Variants in ATP6V1G1 observed in about 807,000 individuals in gnomAD.
The protein encoded by ATP6V1G1 is V-type proton ATPase subunit G 1.
In ATP6V1G1, 14 loss-of-function variants were observed where a neutral mutation model predicts 14.2. The ratio of observed to expected loss-of-function variants is 0.99; its 90% CI spans 0.65 to 1.55. The LOEUF (loss-of-function observed/expected upper bound fraction) is 1.55. Ranked by LOEUF, ATP6V1G1 falls within the 40% of genes most tolerant of loss-of-function variation. The probability of loss-of-function intolerance (pLI) is 0.00; values close to 1 mark genes in which losing one functional copy is unlikely to be tolerated. For missense variants in ATP6V1G1, 137 were observed against 146.4 expected, an observed-to-expected ratio of 0.94 and a Z score of 0.33; for synonymous variants, 65 against 53.3, an observed-to-expected ratio of 1.22 and a Z score of -0.96.
chr9:114,589,085 T>C (rs1442783187), intron 1 of ATP6V1G1, among the ~76,000 whole-genome samples: 1 of 152,214 alleles, frequency 6.6e-6, no homozygotes. Flanking sequence ...CTTTGTTCTC[T>C]GACCCTTAGT....
chr9:114,592,471 T>C (rs1174060086), intron 1 of ATP6V1G1, 81 bp from the exon 2 acceptor site: 4 of 1,325,454 alleles, frequency 3.0e-6, no homozygotes, highest in South Asian at 2.7e-5. Flanking sequence ...TCTTGGCTTA[T>C]TGTTATAATA....
chr9:114,592,608 T>C lies in ATP6V1G1; in HGVS notation c.139T>C (p.Tyr47His). Reference sequence around the variant, plus strand: ...AGAAGCTCAGGCTGAAATTGAACAGTACCGCCTGCAGAGGGAGAAAGAATT... The same window carrying C: ...AGAAGCTCAGGCTGAAATTGAACAGCACCGCCTGCAGAGGGAGAAAGAATT... Reference protein sequence around the residue: ...KEEAQAEIEQYRLQREKEFKA... With the variant: ...KEEAQAEIEQHRLQREKEFKA... Residue 47 changes from tyrosine to histidine, a missense_variant, in exon 2 of 3, where the codon TAC becomes CAC. Coordinates refer to ENST00000374050, the MANE Select transcript of ATP6V1G1 (RefSeq NM_004888.4). 6.3e-7 allele frequency: 1 copy of C among 1,577,906 alleles called. No homozygotes were observed. The highest frequency in any genetic ancestry group is 8.6e-7 in the Non-Finnish European group (1 of 1,160,956).
At chr9:114,593,694 TTGC>T (rs1304732494) in intron 2 of ATP6V1G1, among the ~76,000 whole-genome samples, 1 of 152,046 alleles carries the variant, frequency 6.6e-6, no homozygotes, top group African/African-American at 2.4e-5. Flanking sequence ...AGATAGGGTC[TTGC>T]TGTGTTGCCT....
Position 114,587,866 on chromosome 9 carries a change from C to T in ATP6V1G1, c.28C>T (p.Gln10Ter), listed in dbSNP as rs11539653. Residue 10 changes from glutamine to a stop codon, truncating the protein, a stop_gained, in exon 1 of 3, where the codon CAG becomes TAG. Coordinates refer to ENST00000374050, the MANE Select transcript of ATP6V1G1 (RefSeq NM_004888.4). LOFTEE classifies it high-confidence loss of function. The part of the protein sequence containing the change: MASQSQGIQ[Q>*]LLQAEKRAAE... Reference sequence around the variant, plus strand: ...GGCTAGTCAGTCTCAGGGGATTCAGCAGCTGCTGCAGGCCGAGAAGCGGGC... The same window carrying T: ...GGCTAGTCAGTCTCAGGGGATTCAGTAGCTGCTGCAGGCCGAGAAGCGGGC... 6.3e-7 allele frequency: 1 copy of T among 1,594,310 alleles called. No individual in the cohort carries two copies. Among genetic ancestry groups the T allele is most frequent in the Admixed American group, 1.8e-5 (1 of 56,558 alleles).
At chr9:114,587,997 A>G in intron 1 of ATP6V1G1, 77 bp downstream of exon 1, 1 of 1,489,038 alleles carries the variant, frequency 6.7e-7, no homozygotes, top group Non-Finnish European at 9.1e-7. Context: ...TGGGTAGATT[A>G]GGCCCGAAAA....
chr9:114,596,420 A>G (rs911145665), intron 2 of ATP6V1G1, among the ~76,000 whole-genome samples: 40 of 151,756 alleles, frequency 2.6e-4, no homozygotes, highest in African/African-American at 3.9e-4. Context: ...GGGGGCAGCA[A>G]TGAGAAATTA....
At chr9:114,594,801 G>T (rs1340904460) in intron 2 of ATP6V1G1, among the ~76,000 whole-genome samples, 1 of 151,678 alleles carries the variant, frequency 6.6e-6, no homozygotes, top group Non-Finnish European at 1.5e-5. Context: ...GATGGTACTG[G>T]TATTGCACTG....
intron 1 of ATP6V1G1, among the ~76,000 whole-genome samples, chr9:114,591,660 G>A (rs1221724671): frequency 6.6e-6 from 1 of 152,204 alleles, no homozygotes; most frequent in African/African-American, 2.4e-5. Flanking sequence ...GAATCAGGAT[G>A]TGGAAGGTTA....
At chr9:114,593,897 C>T (rs1845208323) in intron 2 of ATP6V1G1, among the ~76,000 whole-genome samples, 2 of 152,006 alleles carry the variant, frequency 1.3e-5, no homozygotes, top group Admixed American at 6.6e-5. Flanking sequence ...TCAAAACCAG[C>T]CTGGGCAATA....
At chr9:114,587,979 T>C in intron 1 of ATP6V1G1, 59 bp downstream of exon 1, 1 of 1,536,824 alleles carries the variant, frequency 6.5e-7, no homozygotes, top group South Asian at 1.2e-5. Context: ...CCGCTGGGCC[T>C]CAGGTGGTGG....
intron 2 of ATP6V1G1, among the ~76,000 whole-genome samples, chr9:114,595,268 T>C (rs1166026651): frequency 6.6e-6 from 1 of 152,142 alleles, no homozygotes; most frequent in Non-Finnish European, 1.5e-5. Flanking sequence ...AAACAGGTAA[T>C]GGGGTTCTGA....
chr9:114,592,514 T>G, intron 1 of ATP6V1G1, 38 bp from the exon 2 acceptor site: 1 of 1,534,522 alleles, frequency 6.5e-7, no homozygotes. Flanking sequence ...TTTCTACTTT[T>G]AACCACTTCC....
chr9:114,590,260 AT>A (rs71492788), intron 1 of ATP6V1G1, among the ~76,000 whole-genome samples: 32,327 of 129,160 alleles, frequency 0.25, 3,365 homozygotes, highest in East Asian at 0.38. Flanking sequence ...TACTTCTCAG[AT>A]TTTTTTTTTT....
intron 2 of ATP6V1G1, among the ~76,000 whole-genome samples, chr9:114,596,976 A>G (rs947330798): frequency 2.5e-4 from 37 of 148,086 alleles, no homozygotes; most frequent in Non-Finnish European, 4.9e-4. Context: ...TTAAGGCTAT[A>G]TAGCAGATTC....
chr9:114,589,046 C>T (rs775655315), intron 1 of ATP6V1G1, among the ~76,000 whole-genome samples: 7 of 152,128 alleles, frequency 4.6e-5, no homozygotes, highest in African/African-American at 7.2e-5. Context: ...TTTCTTCTGA[C>T]GTGAGAAGCC....
intron 1 of ATP6V1G1, 111 bp from the exon 2 acceptor site, chr9:114,592,441 C>T (rs902487753): frequency 3.0e-5 from 32 of 1,070,590 alleles, no homozygotes; most frequent in African/African-American, 4.8e-5. Context: ...CACATCTCTT[C>T]GGACTGTGTC....
In ATP6V1G1 at chr9:114,595,855, A is replaced by C. The variant is rs558181325; in HGVS notation, c.184-1715A>C. On this transcript the variant is annotated intron_variant, in intron 2 of 2. Transcript: ENST00000374050. ...AGGTAATGGAGAGACTCCTTTGCAAATTAATATATTATGCAAATATGAAGG... is the reference window on the plus strand; with the variant it reads ...AGGTAATGGAGAGACTCCTTTGCAACTTAATATATTATGCAAATATGAAGG... 2.6e-5 allele frequency among the ~76,000 whole-genome samples: 4 copies of C among 152,274 alleles called. No homozygotes were observed. In the East Asian group the frequency reaches 7.7e-4, roughly 29 times the overall value.
chr9:114,592,268 T>C (rs1845190330), intron 1 of ATP6V1G1, among the ~76,000 whole-genome samples: 1 of 152,306 alleles, frequency 6.6e-6, no homozygotes. Context: ...ATAGTTGAGA[T>C]TGAGAGAATA....
At chr9:114,595,976 C>A (rs1017709058) in intron 2 of ATP6V1G1, among the ~76,000 whole-genome samples, 4 of 151,894 alleles carry the variant, frequency 2.6e-5, no homozygotes, top group Non-Finnish European at 5.9e-5. Context: ...TCTTCCAGAA[C>A]GTTATAGGTT....
Sources: gnomAD v4.1 joint callset for allele counts (sites outside exome capture counted in the v4.1 genomes callset) on GRCh38, gnomAD v4.1.1 for gene constraint, MANE v1.5 for transcripts, NCBI Gene and HGNC (gene_info 2026-07-23, HGNC 2026-07-21) for gene names.